Variants in VEGFA observed in about 807,000 individuals in gnomAD.
The protein encoded by VEGFA is vascular endothelial growth factor A, long form.
VEGFA carries 20 observed loss-of-function variants against 49.7 expected under a neutral mutation model. The observed-to-expected ratio is 0.40, with a 90% CI of 0.28 to 0.58. VEGFA has a LOEUF of 0.58. VEGFA is among the 20% of genes least tolerant of loss of function. The pLI, the probability that VEGFA is intolerant of heterozygous loss-of-function variation, is 0.40. For missense variants in VEGFA, 505 were observed against 553.5 expected, an observed-to-expected ratio of 0.91 and a Z score of 0.88; for synonymous variants, 219 against 223.4, an observed-to-expected ratio of 0.98 and a Z score of 0.18.
At chr6:43,784,500 A>T (rs764175453) in intron 7 of VEGFA, 41 bp from the exon 8 acceptor site, 9 of 1,610,192 alleles carry the variant, frequency 5.6e-6, no homozygotes, top group Admixed American at 5.0e-5. Context: ...AGGCCTCCTC[A>T]CTTGGCCCTA....
intron 1 of VEGFA, among the ~76,000 whole-genome samples, chr6:43,771,538 C>T (rs1763558172): frequency 6.6e-6 from 1 of 152,100 alleles, no homozygotes; most frequent in African/African-American, 2.4e-5. Flanking sequence ...CCCTGCCCAC[C>T]CACCGGAGTC....
At position 43,770,850 on chromosome 6, in the gene VEGFA, C is replaced by T. The variant is rs1425392442; in HGVS notation, c.144C>T (p.Arg48=). ...GCGGGGTGGAGGGGGTCGGGGCTCG[C>T]GGCGTCGCACTGAAACTTTTCGTCC... The change falls in exon 1 of 8, where the codon CGC becomes CGT. Residue 48 remains arginine, a synonymous_variant. Coordinates refer to ENST00000672860, the MANE Select transcript of VEGFA (RefSeq NM_003376.6). The T allele has an allele frequency of 2.6e-6, 4 of 1,532,760 alleles. No homozygotes were observed. The highest frequency in any genetic ancestry group is 2.0e-5 in the Admixed American group (1 of 49,610). The allele number at this position is 1,532,760 out of a possible 1,614,324, so 94.9% of individuals were successfully genotyped here. A position where few individuals can be genotyped will look rare whatever the true frequency, so the allele number is the denominator to read the frequency against.
intron 5 of VEGFA, chr6:43,779,232 C>G (rs1174079384): frequency 1.9e-6 from 1 of 522,812 alleles, no homozygotes; most frequent in Non-Finnish European, 3.5e-6. Context: ...GGCTCACTGG[C>G]TTGCTCTAGG....
rs547664371 is a variant in VEGFA at position 43,784,506 on chromosome 6, C to A, written c.1167-35C>A. ...CTCATCGCCAGGCCTCCTCACTTGG[C>A]CCTAACCCCAGCCTTTGTTTTCCAT... On this transcript the variant is annotated intron_variant, in intron 7 of 7. Coordinates refer to ENST00000672860, the MANE Select transcript of VEGFA (RefSeq NM_003376.6). 1.9e-6 allele frequency: 3 copies of A among 1,612,010 alleles called. No homozygotes were observed. The East Asian group carries it at 6.7e-5, about 36-fold the overall frequency.
At position 43,785,774 on chromosome 6, in the gene VEGFA, A is replaced by G. The variant is rs950427338; in HGVS notation, c.*1212A>G. ...CATTGTGGAGGCAGAGAAAAGAGAA[A>G]GTGTTTTATATACGGTACTTATTTA... On this transcript the variant is annotated 3_prime_UTR_variant, in exon 8 of 8. Coordinates refer to ENST00000672860, the MANE Select transcript of VEGFA (RefSeq NM_003376.6). 2 of 190,706 alleles carry G rather than the reference A, an allele frequency of 1.0e-5. No homozygotes were observed. Among genetic ancestry groups the G allele is most frequent in the Non-Finnish European group, 2.2e-5 (2 of 91,274 alleles). The allele number at this position is 190,706 out of a possible 1,614,324, so 11.8% of individuals were successfully genotyped here. A position where few individuals can be genotyped will look rare whatever the true frequency, so the allele number is the denominator to read the frequency against.
intron 1 of VEGFA, chr6:43,772,145 C>A: frequency 1.1e-6 from 1 of 882,188 alleles, no homozygotes; most frequent in Non-Finnish European, 1.4e-6. Flanking sequence ...CTACCCCTTC[C>A]TACTGTCTCC....
At chr6:43,779,614 C>G in intron 5 of VEGFA, 5 of 445,820 alleles carry the variant, frequency 1.1e-5, no homozygotes, top group Non-Finnish European at 1.8e-5. Flanking sequence ...CCCTTTCCCC[C>G]ACACCATCTT....
Position 43,770,579 on chromosome 6 carries a change from C to A in VEGFA, c.-128C>A. On this transcript the variant is annotated 5_prime_UTR_variant, in exon 1 of 8. Transcript: ENST00000672860. ...AAGTCGAGGAAGAGAGAGACGGGGT[C>A]AGAGAGAGCGCGCGGGCGTGCGAGC... 1 of 1,399,842 alleles carries A rather than the reference C, an allele frequency of 7.1e-7. No individual in the cohort carries two copies. Among genetic ancestry groups the A allele is most frequent in the Non-Finnish European group, 9.2e-7 (1 of 1,082,688 alleles). 86.7% of individuals were successfully genotyped at this position (1,399,842 alleles called of 1,614,324 possible).
At chr6:43,778,339 C>T (rs1398743836) in intron 3 of VEGFA, 121 bp from the exon 4 acceptor site, 4 of 842,230 alleles carry the variant, frequency 4.7e-6, no homozygotes, top group Admixed American at 3.9e-5. Flanking sequence ...TCCCTGCCTC[C>T]ACCACCCATC....
chr6:43,776,073 G>A (rs1765319961), intron 2 of VEGFA: 1 of 152,216 alleles, frequency 6.6e-6, no homozygotes, highest in South Asian at 2.1e-4. Context: ...CTTTGGTGAA[G>A]TTCTAAACTT....
intron 2 of VEGFA, chr6:43,774,647 G>C: frequency 1.7e-6 from 1 of 573,702 alleles, no homozygotes; most frequent in South Asian, 2.0e-5. Context: ...ATTTGGAGAA[G>C]GAGTCGTGCG....
intron 2 of VEGFA, 148 bp downstream of exon 2, chr6:43,774,540 G>A: frequency 6.3e-6 from 6 of 950,258 alleles, no homozygotes; most frequent in Non-Finnish European, 9.9e-6. Flanking sequence ...GGCACCACGA[G>A]GTTCACCCTC....
chr6:43,780,848 G>A (rs752153816), intron 6 of VEGFA, 45 bp downstream of exon 6: 3 of 1,613,118 alleles, frequency 1.9e-6, no homozygotes, highest in East Asian at 2.2e-5. Context: ...AGCCTCCCTG[G>A]CCCCCAGTAC....
Position 43,784,779 on chromosome 6 carries a change from C to A in VEGFA, c.*217C>A, listed in dbSNP as rs1461834731. On this transcript the variant is annotated 3_prime_UTR_variant, in exon 8 of 8. Coordinates refer to ENST00000672860, the MANE Select transcript of VEGFA (RefSeq NM_003376.6). ...AGGGCGAGACTCCGGCGGAAGCATT[C>A]CCGGGCGGGTGACCCAGCACGGTCC... 3 of 813,648 alleles carry A rather than the reference C, an allele frequency of 3.7e-6. No homozygotes were observed. Among genetic ancestry groups the A allele is most frequent in the Non-Finnish European group, 6.3e-6 (3 of 479,052 alleles). The allele number at this position is 813,648 out of a possible 1,614,324, so 50.4% of individuals were successfully genotyped here.
intron 7 of VEGFA, chr6:43,784,331 G>T: frequency 1.6e-6 from 1 of 626,578 alleles, no homozygotes; most frequent in South Asian, 1.9e-5. Context: ...TGGAGCTGCT[G>T]CTCAGGCCGG....
At chr6:43,782,230 T>C in intron 7 of VEGFA, 143 bp downstream of exon 7, 1 of 1,231,792 alleles carries the variant, frequency 8.1e-7, no homozygotes, top group Non-Finnish European at 1.1e-6. Context: ...GCTGCCTGCC[T>C]GGTGACTGCT....
chr6:43,770,825 G>C lies in VEGFA; in HGVS notation c.119G>C (p.Gly40Ala), dbSNP rs1404494791. 2 of 1,515,128 alleles carry C rather than the reference G, an allele frequency of 1.3e-6. No homozygotes were observed. The highest frequency in any genetic ancestry group is 1.5e-5 in the African/African-American group (1 of 68,952). 93.9% of individuals were successfully genotyped at this position (1,515,128 alleles called of 1,614,324 possible). A position where few individuals can be genotyped will look rare whatever the true frequency, so the allele number is the denominator to read the frequency against. Residue 40 changes from glycine (G) to alanine (A), a missense_variant, in exon 1 of 8, where the codon GGC becomes GCC. Physicochemically the swap from Gly to Ala is moderately conservative, Grantham distance 60. Coordinates refer to ENST00000672860, the MANE Select transcript of VEGFA (RefSeq NM_003376.6). ...CAGGGGCCGGAGCCCGCGCCCGGAG[G>C]CGGGGTGGAGGGGGTCGGGGCTCGC...
intron 2 of VEGFA, chr6:43,776,545 A>G (rs1765495912): frequency 6.6e-6 from 1 of 152,324 alleles, no homozygotes; most frequent in African/African-American, 2.4e-5. Flanking sequence ...ATCAGCTTCT[A>G]GAAATGTTTC....
intron 1 of VEGFA, among the ~76,000 whole-genome samples, chr6:43,771,737 G>A (rs61085192): frequency 0.033 from 5,062 of 152,240 alleles, 269 homozygotes; most frequent in African/African-American, 0.11. Flanking sequence ...ACCTTGGACC[G>A]CGGGAGGGCA....
Sources: allele counts gnomAD v4.1 joint callset (sites outside exome capture counted in the v4.1 genomes callset), GRCh38; gene constraint gnomAD v4.1.1; transcripts MANE v1.5; gene names NCBI Gene and HGNC (gene_info 2026-07-23, HGNC 2026-07-21).